The following ZNF184 variants were observed in gnomAD, a reference collection of about 807,000 sequenced individuals.
ZNF184 encodes the protein zinc finger protein 184 (Kruppel-like).
In ZNF184, 16 loss-of-function variants were observed where a neutral mutation model predicts 54.4. The ratio of observed to expected loss-of-function variants is 0.29; its 90% confidence interval spans 0.20 to 0.45. The LOEUF (loss-of-function observed/expected upper bound fraction) is 0.45, where lower values mean the gene tolerates loss of function less well. ZNF184 is among the 20% of genes least tolerant of loss of function. ZNF184 has a pLI of 1.00. For missense variants in ZNF184, 681 were observed against 888.2 expected (o/e 0.77, Z 2.97); for synonymous variants, 254 against 295.3 (o/e 0.86, Z 1.43).
chr6:27,406,647 T>C, the ZNF184 span: 1 of 152,288 alleles, frequency 6.6e-6, no homozygotes, highest in Non-Finnish European at 1.5e-5. Context: ...CCCAAATGAC[T>C]TGCACCAAGT....
At chr6:27,461,500 T>A (rs1478319732) in intron 3 of ZNF184, among the ~76,000 whole-genome samples, 1 of 152,144 alleles carries the variant, frequency 6.6e-6, no homozygotes, top group African/African-American at 2.4e-5. Context: ...GCTTACAGTT[T>A]AAAATACAAA....
At chr6:27,404,164 C>A in the ZNF184 span, 1 of 152,134 alleles carries the variant, frequency 6.6e-6, no homozygotes, top group Non-Finnish European at 1.5e-5. Context: ...CACAGGCAGT[C>A]AGTTAGGGAT....
the ZNF184 span, among the ~76,000 whole-genome samples, chr6:27,411,976 G>C: frequency 0.016 from 2,488 of 152,066 alleles, 38 homozygotes; most frequent in Non-Finnish European, 0.026. Context: ...GAGCCTCTGG[G>C]CACTACTCTC....
At chr6:27,442,568 G>A in the ZNF184 span, among the ~76,000 whole-genome samples, 3 of 151,946 alleles carry the variant, frequency 2.0e-5, no homozygotes, top group African/African-American at 7.3e-5. Flanking sequence ...CTGCACTCCA[G>A]CCTGGGCAAC....
At chr6:27,433,976 T>TCCTTCTTTCCTTCCTCTCCCTC in the ZNF184 span, among the ~76,000 whole-genome samples, 1 of 136,148 alleles carries the variant, frequency 7.3e-6, no homozygotes, top group African/African-American at 2.8e-5. Context: ...CTCCCTCCCT[T>TCCTTCTTTCCTTCCTCTCCCTC]CCTTCCTTCC....
chr6:27,405,058 T>C, the ZNF184 span: 1 of 152,070 alleles, frequency 6.6e-6, no homozygotes, highest in Non-Finnish European at 1.5e-5. Context: ...AGGAAAGTAC[T>C]ATATCACTGG....
chr6:27,427,195 G>T, the ZNF184 span, among the ~76,000 whole-genome samples: 2 of 151,626 alleles, frequency 1.3e-5, no homozygotes, highest in Non-Finnish European at 2.9e-5. Flanking sequence ...GCTCTGGAAG[G>T]ATGAACAAAA....
chr6:27,467,345 C>T (rs1405012730), intron 3 of ZNF184, among the ~76,000 whole-genome samples: 2 of 152,142 alleles, frequency 1.3e-5, no homozygotes, highest in Admixed American at 6.5e-5. Flanking sequence ...CCTGCAATCC[C>T]AGCACTTTGG....
the ZNF184 span, among the ~76,000 whole-genome samples, chr6:27,423,617 G>A: frequency 4.2e-5 from 6 of 141,830 alleles, no homozygotes; most frequent in Non-Finnish European, 7.7e-5. Context: ...ACCCTGAAAA[G>A]CATAAAGGGA....
At chr6:27,446,819 A>C (rs1365831848), downstream of ZNF184, among the ~76,000 whole-genome samples, 1 of 152,170 alleles carries the variant, frequency 6.6e-6, no homozygotes, top group East Asian at 1.9e-4. Context: ...GATGTAGGAC[A>C]AAGAGTCAAA....
chr6:27,419,408 T>C, the ZNF184 span, among the ~76,000 whole-genome samples: 4 of 152,124 alleles, frequency 2.6e-5, no homozygotes, highest in Non-Finnish European at 5.9e-5. This position sits in a 1 kb window ranked among gnomAD's most constrained non-coding sequence, Gnocchi z 4.8. Context: ...ACACCCAGAG[T>C]TGCCTACCAC....
At chr6:27,425,471 G>C in the ZNF184 span, among the ~76,000 whole-genome samples, 3 of 152,214 alleles carry the variant, frequency 2.0e-5, no homozygotes, top group African/African-American at 7.2e-5. Flanking sequence ...AAAATGTCTG[G>C]AACTTTAAAA....
chr6:27,454,945 G>T (rs1040931904), intron 5 of ZNF184, among the ~76,000 whole-genome samples: 3 of 152,086 alleles, frequency 2.0e-5, no homozygotes, highest in Non-Finnish European at 4.4e-5. Flanking sequence ...ACATATCAGG[G>T]TTATAGATCA....
intron 3 of ZNF184, among the ~76,000 whole-genome samples, chr6:27,464,072 T>C (rs980818808): frequency 6.6e-6 from 1 of 152,106 alleles, no homozygotes; most frequent in African/African-American, 2.4e-5. Flanking sequence ...TGGATGCTAA[T>C]AGCACTCCCT....
chr6:27,467,743 G>T, intron 3 of ZNF184, 110 bp downstream of exon 3: 2 of 1,038,756 alleles, frequency 1.9e-6, no homozygotes, highest in Non-Finnish European at 2.8e-6. Context: ...TGAGAGCCCA[G>T]AATGAACTGC....
chr6:27,457,220 A>C, intron 4 of ZNF184, 63 bp downstream of exon 4: 1 of 1,566,828 alleles, frequency 6.4e-7, no homozygotes, highest in Non-Finnish European at 8.6e-7. Context: ...AACTCCCCTG[A>C]GCACAAGAGA....
chr6:27,454,410 A>G (rs879673482), intron 5 of ZNF184, among the ~76,000 whole-genome samples: 1 of 152,210 alleles, frequency 6.6e-6, no homozygotes, highest in African/African-American at 2.4e-5. Flanking sequence ...TTTCTACAGG[A>G]GGGACGACAT....
chr6:27,465,504 A>AAAAG (rs1763112037), intron 3 of ZNF184, among the ~76,000 whole-genome samples: 1 of 149,922 alleles, frequency 6.7e-6, no homozygotes, highest in African/African-American at 2.4e-5. Context: ...AAAAAAAAAA[A>AAAAG]AAAAAGCAAA....
intron 3 of ZNF184, among the ~76,000 whole-genome samples, chr6:27,457,660 T>C (rs1386267516): frequency 1.3e-5 from 2 of 150,960 alleles, no homozygotes; most frequent in Non-Finnish European, 2.9e-5. Flanking sequence ...AATATGGCCA[T>C]TGTTGTTGTC....
Sources: allele counts gnomAD v4.1 joint callset (sites outside exome capture counted in the v4.1 genomes callset), GRCh38; gene constraint gnomAD v4.1.1; non-coding constraint Gnocchi (gnomAD v3.1); transcripts MANE v1.5; gene names NCBI Gene and HGNC (gene_info 2026-07-23, HGNC 2026-07-21).